The following DAAM1 variants were observed in gnomAD, a reference collection of about 807,000 sequenced individuals.
DAAM1 encodes the protein dishevelled associated activator of morphogenesis 1, also known as disheveled-associated activator of morphogenesis 1.
In DAAM1, 52 loss-of-function variants were observed where a neutral mutation model predicts 130.0. That is an observed-to-expected ratio of 0.40 (90% confidence interval 0.32 to 0.50). The LOEUF is 0.50. Among genes scored for constraint, DAAM1 ranks in the 20% least tolerant of loss-of-function variants. The pLI is 0.61. For missense variants in DAAM1, 1,134 were observed against 1,303.8 expected, an observed-to-expected ratio of 0.87 and a Z score of 2.01; for synonymous variants, 452 against 444.5, an observed-to-expected ratio of 1.02 and a Z score of -0.21.
chr14:59,340,492 A>AC (rs1459467196), intron 16 of DAAM1, among the ~76,000 whole-genome samples: 2 of 152,216 alleles, frequency 1.3e-5, no homozygotes, highest in Non-Finnish European at 2.9e-5. Context: ...TCTTGGCCTT[A>AC]GAGATATTTT....
chr14:59,245,710 CT>C (rs1881338794), intron 1 of DAAM1, among the ~76,000 whole-genome samples: 1 of 152,144 alleles, frequency 6.6e-6, no homozygotes, highest in African/African-American at 2.4e-5. Context: ...AGAATTGTCT[CT>C]AGTGAATGGT....
chr14:59,302,515 A>C (rs925949448), intron 3 of DAAM1, among the ~76,000 whole-genome samples: 1 of 152,186 alleles, frequency 6.6e-6, no homozygotes, highest in Non-Finnish European at 1.5e-5. Context: ...TTGGTGCTGC[A>C]CCATGGGAAG....
chr14:59,273,373 G>A (rs1382525689), intron 2 of DAAM1, among the ~76,000 whole-genome samples: 2 of 152,098 alleles, frequency 1.3e-5, no homozygotes, highest in African/African-American at 4.8e-5. Flanking sequence ...ATTAGATCAA[G>A]GAGACTGAAA....
At chr14:59,256,617 C>A (rs553354695) in intron 1 of DAAM1, among the ~76,000 whole-genome samples, 10 of 152,336 alleles carry the variant, frequency 6.6e-5, no homozygotes, top group Admixed American at 5.2e-4. Flanking sequence ...AGAAGATGTG[C>A]TCTGGTTCAG....
Position 59,368,669 on chromosome 14 carries a change from G to A in DAAM1, c.3017G>A (p.Arg1006Lys). ...MEAQLKEQRE[R>K]ERKMRKAKEN... is the part of the protein sequence containing the mutation. ...TTGCAGCTCAAAGAACAACGTGAAA[G>A]GGAACGTAAAATGAGAAAAGCTAAA... Residue 1006 changes from arginine (R) to lysine (K), a missense_variant, in exon 25 of 25, where the codon AGG becomes AAG. This residue lies in a region of DAAM1 where 644 missense variants were observed against 695.9 expected (regional missense o/e 0.93). Coordinates refer to ENST00000360909, the MANE Select transcript of DAAM1 (RefSeq NM_001270520.2). 1 of 1,613,130 alleles carries A rather than the reference G, an allele frequency of 6.2e-7. No homozygotes were observed. Among genetic ancestry groups the A allele is most frequent in the South Asian group, 1.1e-5 (1 of 90,934 alleles).
intron 3 of DAAM1, among the ~76,000 whole-genome samples, chr14:59,313,296 G>A (rs575302065): frequency 1.3e-5 from 2 of 152,340 alleles, no homozygotes; most frequent in East Asian, 1.9e-4. Context: ...TGAGGATCAC[G>A]TTAGTACATT....
chr14:59,234,937 G>T (rs565300507), intron 1 of DAAM1, among the ~76,000 whole-genome samples: 114 of 152,020 alleles, frequency 7.5e-4, no homozygotes, highest in African/African-American at 2.7e-3. Flanking sequence ...TTATGTGATG[G>T]GTTGCATTTA....
At chr14:59,195,683 T>C (rs1887867226) in intron 1 of DAAM1, among the ~76,000 whole-genome samples, 1 of 152,210 alleles carries the variant, frequency 6.6e-6, no homozygotes, top group African/African-American at 2.4e-5. Context: ...CAAGAGTAGA[T>C]AGCCCAGATC....
intron 1 of DAAM1, among the ~76,000 whole-genome samples, chr14:59,207,988 GA>G (rs1368830578): frequency 2.0e-5 from 3 of 152,000 alleles, no homozygotes; most frequent in Non-Finnish European, 4.4e-5. Flanking sequence ...TCACTGTGGG[GA>G]AAAAAACACA....
chr14:59,333,950 T>A (rs1203819571), intron 15 of DAAM1, among the ~76,000 whole-genome samples: 2 of 152,214 alleles, frequency 1.3e-5, no homozygotes, highest in East Asian at 3.8e-4. Context: ...CAACACTGTT[T>A]AAGTAATCAG....
chr14:59,306,563 G>A (rs1038244960), intron 3 of DAAM1, among the ~76,000 whole-genome samples: 4 of 152,116 alleles, frequency 2.6e-5, no homozygotes, highest in Non-Finnish European at 4.4e-5. Flanking sequence ...CCGTGTCTTT[G>A]GGAGATTTAG....
chr14:59,360,556 A>T, intron 21 of DAAM1: 1 of 313,624 alleles, frequency 3.2e-6, no homozygotes, highest in Non-Finnish European at 5.8e-6. Context: ...CAGATGGAAG[A>T]TATTTCTATT....
At chr14:59,252,483 C>T (rs534192388) in intron 1 of DAAM1, among the ~76,000 whole-genome samples, 6 of 152,222 alleles carry the variant, frequency 3.9e-5, no homozygotes, top group South Asian at 2.1e-4. Flanking sequence ...TGCCTTTTCC[C>T]GTCCTGCTCC....
At chr14:59,256,481 G>C (rs1881890072) in intron 1 of DAAM1, among the ~76,000 whole-genome samples, 1 of 152,196 alleles carries the variant, frequency 6.6e-6, no homozygotes, top group African/African-American at 2.4e-5. Context: ...AGAATCTTAA[G>C]AAGCTTTTTA....
At chr14:59,235,050 T>G (rs1889248190) in intron 1 of DAAM1, among the ~76,000 whole-genome samples, 1 of 152,172 alleles carries the variant, frequency 6.6e-6, no homozygotes, top group Non-Finnish European at 1.5e-5. Flanking sequence ...TTTGCCAGTA[T>G]TTTATTGAGG....
intron 2 of DAAM1, among the ~76,000 whole-genome samples, chr14:59,283,922 T>C: frequency 6.6e-6 from 1 of 152,182 alleles, no homozygotes. Context: ...TTTTTTGAAC[T>C]GGGAGCTCAA....
chr14:59,238,317 C>G (rs182689953), intron 1 of DAAM1, among the ~76,000 whole-genome samples: 2 of 152,020 alleles, frequency 1.3e-5, no homozygotes, highest in South Asian at 4.1e-4. Context: ...TCAAAAAAAA[C>G]GTCTGAGATC....
At chr14:59,246,220 C>T (rs1159764895) in intron 1 of DAAM1, among the ~76,000 whole-genome samples, 1 of 152,110 alleles carries the variant, frequency 6.6e-6, no homozygotes, top group Non-Finnish European at 1.5e-5. Context: ...TCCCCATTTC[C>T]TGCTCCCCTG....
intron 3 of DAAM1, among the ~76,000 whole-genome samples, chr14:59,309,849 T>C (rs1373647739): frequency 6.6e-6 from 1 of 152,246 alleles, no homozygotes; most frequent in East Asian, 1.9e-4. Flanking sequence ...TTTTTACATC[T>C]TCCATCTTCT....
Sources: gnomAD v4.1 joint callset for allele counts (sites outside exome capture counted in the v4.1 genomes callset) on GRCh38, gnomAD v4.1.1 for gene constraint, gnomAD v4.1.1 regional missense constraint, MANE v1.5 for transcripts, NCBI Gene and HGNC (gene_info 2026-07-23, HGNC 2026-07-21) for gene names.